SPG7: variants seen among roughly 807,000 people sequenced by gnomAD.
The protein encoded by SPG7 is SPG7 matrix AAA peptidase subunit, paraplegin, also known as mitochondrial inner membrane m-AAA protease component paraplegin.
Under a neutral mutation model 81.9 loss-of-function variants are expected in SPG7, and 103 were observed. That is an observed-to-expected ratio of 1.26 (90% CI 1.07 to 1.48). SPG7 has a LOEUF of 1.48. Ranked by LOEUF, SPG7 falls within the 40% of genes most tolerant of loss-of-function variation. SPG7 has a pLI of 0.00. For missense variants in SPG7, 1,241 were observed against 1,087.3 expected (o/e 1.14, Z -1.99); for synonymous variants, 534 against 444.2 (o/e 1.20, Z -2.54).
At chr16:89,520,384 G>T in intron 3 of SPG7, 1 of 175,754 alleles carries the variant, frequency 5.7e-6, no homozygotes, top group Non-Finnish European at 1.2e-5. Context: ...GAGTGCTTTT[G>T]TTTGTTTGTT....
intron 12 of SPG7, chr16:89,548,410 T>G (rs1012020009): frequency 2.6e-6 from 1 of 378,666 alleles, no homozygotes; most frequent in African/African-American, 2.1e-5. Context: ...TAATAAAAAC[T>G]AAAAATGTCT....
chr16:89,526,958 CGAAG>C (rs1399501366), intron 5 of SPG7: 1 of 231,868 alleles, frequency 4.3e-6, no homozygotes, highest in African/African-American at 2.3e-5. Flanking sequence ...CGTAGGATGG[CGAAG>C]TCTCAGCCCC....
At chr16:89,549,239 C>G (rs746634410) in intron 12 of SPG7, 1 of 456,824 alleles carries the variant, frequency 2.2e-6, no homozygotes, top group Non-Finnish European at 4.4e-6. Context: ...AAATACATGA[C>G]GTACTTGAGT....
chr16:89,529,703 A>G (rs1018934076), intron 6 of SPG7, 124 bp downstream of exon 6: 43 of 746,374 alleles, frequency 5.8e-5, no homozygotes, highest in African/African-American at 4.3e-4. Context: ...TGAAGCCACA[A>G]TTAGACAGCA....
chr16:89,518,060 CTGG>C (rs1046137316), intron 3 of SPG7: 3 of 152,236 alleles, frequency 2.0e-5, no homozygotes, highest in African/African-American at 7.2e-5. Context: ...TGGGTTTCCC[CTGG>C]GCCCTCTGCT....
Position 89,532,592 on chromosome 16 carries a change from C to A in SPG7, c.1280C>A (p.Thr427Lys). 3 of 1,613,762 alleles carry A rather than the reference C, an allele frequency of 1.9e-6. No homozygotes were observed. The highest frequency in any genetic ancestry group is 2.5e-6 in the Non-Finnish European group (3 of 1,180,040). Residue 427 changes from threonine (T) to lysine (K), a missense_variant, in exon 9 of 17, where the codon ACG becomes AAG. Coordinates refer to ENST00000645818, the MANE Select transcript of SPG7 (RefSeq NM_003119.4). ...ACCACCATGTCCGGCTTCTCCAACACGGAGGAGGAGCAGACGCTCAACCAG... is the reference window on the plus strand; with the variant it reads ...ACCACCATGTCCGGCTTCTCCAACAAGGAGGAGGAGCAGACGCTCAACCAG... ...RSTTMSGFSNTEEEQTLNQLL... is the reference protein window; with the variant it reads ...RSTTMSGFSNKEEEQTLNQLL...
intron 3 of SPG7, chr16:89,520,522 T>C (rs766411010): frequency 6.5e-6 from 1 of 154,156 alleles, no homozygotes. Context: ...TTAGCCTCCC[T>C]AGTAGCTGGG....
intron 3 of SPG7, among the ~76,000 whole-genome samples, chr16:89,514,983 C>CTGGA (rs1249942108): frequency 5.6e-5 from 8 of 141,964 alleles, no homozygotes; most frequent in Non-Finnish European, 1.2e-4. Context: ...GTCGCCTGGG[C>CTGGA]TGGAGTGCAG....
chr16:89,529,477 T>C lies in SPG7; in HGVS notation c.759T>C (p.Asn253=). ...TGCCTGCCTCTCTTTCTTCCGGCAG[T>C]GCCCTGTACTCTGTGGGGATGACGG... ...VSYKRTGFFG[N]ALYSVGMTAV... Residue 253 remains asparagine (N), a splice_region_variant and synonymous_variant, in exon 6 of 17, where the codon AAT becomes AAC. Coordinates refer to ENST00000645818, the MANE Select transcript of SPG7 (RefSeq NM_003119.4). 2.5e-6 allele frequency: 4 copies of C among 1,610,580 alleles called. No homozygotes were observed. Among genetic ancestry groups the C allele is most frequent in the African/African-American group, 1.3e-5 (1 of 74,996 alleles).
At chr16:89,553,600 C>T (rs974596806) in intron 14 of SPG7, 194 bp from the exon 15 acceptor site, 6 of 603,736 alleles carry the variant, frequency 9.9e-6, no homozygotes, top group South Asian at 4.0e-5. Context: ...AAGAGCATTT[C>T]GGAAAGTTTT....
At chr16:89,512,824 A>G (rs1334825293) in intron 2 of SPG7, 124 bp from the exon 3 acceptor site, 2 of 907,848 alleles carry the variant, frequency 2.2e-6, no homozygotes, top group Non-Finnish European at 3.6e-6. Context: ...AATCTTATGG[A>G]TATAAGTAGG....
rs551102963 is a variant in SPG7 at position 89,540,852 on chromosome 16, C to T, written c.1325-3796C>T. 1.3e-5 allele frequency: 13 copies of T among 965,050 alleles called. No individual in the cohort carries two copies. The South Asian group carries it at 1.4e-4, about 11-fold the overall frequency. 59.8% of individuals were successfully genotyped at this position (965,050 alleles called of 1,614,324 possible). On this transcript the variant is annotated intron_variant, in intron 9 of 16. Transcript: ENST00000645818. ...AGGCTCACACGAAATGCCTGGGCGC[C>T]GACGCTCATTTACCTGTAATAGCTA...
chr16:89,548,579 A>C, intron 12 of SPG7: 2 of 285,608 alleles, frequency 7.0e-6, no homozygotes, highest in South Asian at 3.1e-5. Context: ...GTGGATCTGC[A>C]GCACCACCTC....
intron 9 of SPG7, chr16:89,536,794 G>T: frequency 6.2e-7 from 1 of 1,614,118 alleles, no homozygotes. Context: ...ACCCTCCCAG[G>T]GGACCATGAG....
intron 9 of SPG7, among the ~76,000 whole-genome samples, chr16:89,535,598 C>G (rs11640186): frequency 0.47 from 71,486 of 151,932 alleles, 17,462 homozygotes; most frequent in Non-Finnish European, 0.54. Flanking sequence ...TCAGAGAACA[C>G]AATGTCTTCA....
At chr16:89,523,716 T>C (rs747351821) in intron 3 of SPG7, 23 of 525,070 alleles carry the variant, frequency 4.4e-5, no homozygotes, top group South Asian at 3.5e-4. Context: ...GCGTGCACCG[T>C]TGTGCCCAGG....
chr16:89,508,395 GC>G, upstream of SPG7: 1 of 1,468,420 alleles, frequency 6.8e-7, no homozygotes, highest in East Asian at 2.9e-5. Flanking sequence ...CGCGGATCAC[GC>G]AGGCGCGGCT....
chr16:89,522,025 A>G (rs903703690), intron 3 of SPG7: 1 of 152,186 alleles, frequency 6.6e-6, no homozygotes, highest in Non-Finnish European at 1.5e-5. Flanking sequence ...AGAAAACACA[A>G]TTGGTAATTA....
chr16:89,527,558 C>G (rs902232315), intron 5 of SPG7, among the ~76,000 whole-genome samples: 1 of 152,184 alleles, frequency 6.6e-6, no homozygotes, highest in African/African-American at 2.4e-5. Flanking sequence ...CCTGGGCTTG[C>G]TCTCTTCTAC....
Sources: allele counts gnomAD v4.1 joint callset (sites outside exome capture counted in the v4.1 genomes callset), GRCh38; gene constraint gnomAD v4.1.1; transcripts MANE v1.5; gene names NCBI Gene and HGNC (gene_info 2026-07-23, HGNC 2026-07-21).